The following GRIP1 variants were observed in gnomAD, a reference collection of about 807,000 sequenced individuals.
The protein encoded by GRIP1 is glutamate receptor-interacting protein 1.
In GRIP1, 45 loss-of-function variants were observed where a neutral mutation model predicts 129.9. The observed-to-expected ratio is 0.35, with a 90% CI of 0.27 to 0.44. The LOEUF (loss-of-function observed/expected upper bound fraction) is 0.44, where lower values mean the gene tolerates loss of function less well. GRIP1 is among the 20% of genes least tolerant of loss of function. The probability of loss-of-function intolerance (pLI) is 1.00; values close to 1 mark genes in which losing one functional copy is unlikely to be tolerated. For missense variants in GRIP1, 1,196 were observed against 1,396.8 expected, an observed-to-expected ratio of 0.86 and a Z score of 2.29; for synonymous variants, 530 against 520.8, an observed-to-expected ratio of 1.02 and a Z score of -0.24.
chr12:66,374,129 T>C (rs1344110394), intron 22 of GRIP1, among the ~76,000 whole-genome samples: 1 of 152,216 alleles, frequency 6.6e-6, no homozygotes, highest in African/African-American at 2.4e-5. Flanking sequence ...ACTGGCTTCA[T>C]TGGTGTCATG....
intron 1 of GRIP1, among the ~76,000 whole-genome samples, chr12:66,946,943 C>A (rs2041680566): frequency 6.6e-6 from 1 of 151,710 alleles, no homozygotes. Flanking sequence ...ACTTGGGAGG[C>A]TGAGGCAGGA....
At chr12:67,046,297 G>C (rs2043252807) in intron 1 of GRIP1, among the ~76,000 whole-genome samples, 1 of 152,202 alleles carries the variant, frequency 6.6e-6, no homozygotes, top group Non-Finnish European at 1.5e-5. Flanking sequence ...CCTGCCATGT[G>C]ACCTCAGGAA....
chr12:66,941,288 C>T (rs1021232564), intron 1 of GRIP1, among the ~76,000 whole-genome samples: 1 of 152,156 alleles, frequency 6.6e-6, no homozygotes, highest in African/African-American at 2.4e-5. Flanking sequence ...CATTTCCCCA[C>T]CTTAAAAATC....
At chr12:66,633,319 C>CTATACTATACTA (rs781766451) in intron 1 of GRIP1, among the ~76,000 whole-genome samples, 2 of 146,994 alleles carry the variant, frequency 1.4e-5, no homozygotes, top group African/African-American at 5.0e-5. Flanking sequence ...CTATACTATA[C>CTATACTATACTA]TATATATATA....
At chr12:66,542,846 A>G (rs1447329565) in intron 2 of GRIP1, among the ~76,000 whole-genome samples, 2 of 152,146 alleles carry the variant, frequency 1.3e-5, no homozygotes, top group Non-Finnish European at 2.9e-5. Flanking sequence ...AAATTGTCCA[A>G]TTTTCCAACT....
intron 2 of GRIP1, among the ~76,000 whole-genome samples, chr12:66,551,885 C>T (rs2139316926): frequency 6.6e-6 from 1 of 152,088 alleles, no homozygotes; most frequent in East Asian, 1.9e-4. Flanking sequence ...CCAGGCAGGG[C>T]AGTATCTTAT....
intron 2 of GRIP1, among the ~76,000 whole-genome samples, chr12:66,592,934 G>A (rs1218956739): frequency 6.6e-6 from 1 of 151,964 alleles, no homozygotes; most frequent in Non-Finnish European, 1.5e-5. Flanking sequence ...CTTTGTCCTT[G>A]GAATTTATCT....
intron 1 of GRIP1, among the ~76,000 whole-genome samples, chr12:66,873,017 G>C (rs2040321897): frequency 6.6e-6 from 1 of 151,970 alleles, no homozygotes; most frequent in South Asian, 2.1e-4. Flanking sequence ...CTGTTGCCTG[G>C]GCTGATAAGA....
At chr12:66,939,962 T>G (rs969270170) in intron 1 of GRIP1, among the ~76,000 whole-genome samples, 2 of 152,238 alleles carry the variant, frequency 1.3e-5, no homozygotes, top group African/African-American at 4.8e-5. Context: ...ATTTCTTTTG[T>G]TTTCTTGATA....
chr12:66,722,978 A>G (rs916175544), intron 1 of GRIP1, among the ~76,000 whole-genome samples: 1 of 151,826 alleles, frequency 6.6e-6, no homozygotes, highest in Non-Finnish European at 1.5e-5. Context: ...CCTTTCATCA[A>G]ATCAATAAAG....
At chr12:66,670,502 G>C (rs76689155) in intron 1 of GRIP1, among the ~76,000 whole-genome samples, 1 of 152,182 alleles carries the variant, frequency 6.6e-6, no homozygotes, top group African/African-American at 2.4e-5. Context: ...ATTTGCAGGG[G>C]TGTTCACACA....
At chr12:67,020,296 A>T (rs2042846413) in intron 1 of GRIP1, among the ~76,000 whole-genome samples, 1 of 152,206 alleles carries the variant, frequency 6.6e-6, no homozygotes, top group Non-Finnish European at 1.5e-5. Context: ...TCATTTTTTA[A>T]GCCTGCATAT....
intron 7 of GRIP1, among the ~76,000 whole-genome samples, chr12:66,484,285 A>T (rs2059893857): frequency 6.6e-6 from 1 of 152,170 alleles, no homozygotes. Flanking sequence ...GCATATTGTT[A>T]GGGGTAATTT....
At chr12:66,452,241 G>C (rs2138198817) in intron 11 of GRIP1, among the ~76,000 whole-genome samples, 1 of 152,254 alleles carries the variant, frequency 6.6e-6, no homozygotes, top group South Asian at 2.1e-4. Flanking sequence ...TGGCCTCTTT[G>C]GCAGAAAAAG....
chr12:66,422,559 C>A (rs1047870754), intron 14 of GRIP1, among the ~76,000 whole-genome samples: 1 of 145,528 alleles, frequency 6.9e-6, no homozygotes, highest in Non-Finnish European at 1.5e-5. Context: ...CATCACATAG[C>A]ACTCAATGTT....
intron 2 of GRIP1, among the ~76,000 whole-genome samples, chr12:66,580,022 C>A (rs1385636287): frequency 1.3e-5 from 2 of 148,458 alleles, no homozygotes; most frequent in Non-Finnish European, 3.0e-5. Context: ...GTCGGGTTAC[C>A]CACAAAGGGA....
intron 1 of GRIP1, among the ~76,000 whole-genome samples, chr12:66,987,274 A>G (rs1031697476): frequency 6.6e-6 from 1 of 152,226 alleles, no homozygotes; most frequent in African/African-American, 2.4e-5. Flanking sequence ...AACACCAAGA[A>G]CAGTGCCTGA....
At chr12:66,977,463 G>A (rs1345954097) in intron 1 of GRIP1, among the ~76,000 whole-genome samples, 1 of 152,076 alleles carries the variant, frequency 6.6e-6, no homozygotes, top group Admixed American at 6.6e-5. Flanking sequence ...ATTAGGTGAA[G>A]AGTATGATGA....
intron 1 of GRIP1, among the ~76,000 whole-genome samples, chr12:66,727,945 A>G (rs2036308833): frequency 6.6e-6 from 1 of 152,234 alleles, no homozygotes; most frequent in East Asian, 1.9e-4. Context: ...AATAATTTCA[A>G]TATTTTTACA....
Sources: gnomAD v4.1 joint callset for allele counts (sites outside exome capture counted in the v4.1 genomes callset) on GRCh38, gnomAD v4.1.1 for gene constraint, MANE v1.5 for transcripts, NCBI Gene and HGNC (gene_info 2026-07-23, HGNC 2026-07-21) for gene names.